The following MITF variants were observed in gnomAD, a reference collection of about 807,000 sequenced individuals.
MITF encodes the protein microphthalmia-associated transcription factor.
MITF carries 17 observed loss-of-function variants against 60.5 expected under a neutral mutation model. The ratio of observed to expected loss-of-function variants is 0.28; its 90% CI spans 0.19 to 0.42. The LOEUF (loss-of-function observed/expected upper bound fraction) is 0.42, where lower values mean the gene tolerates loss of function less well. Among genes scored for constraint, MITF ranks in the 10% least tolerant of loss-of-function variants. MITF has a pLI of 1.00. For missense variants in MITF, 622 were observed against 683.5 expected (o/e 0.91, Z 1.00); for synonymous variants, 260 against 248.5 (o/e 1.05, Z -0.43).
rs1484124430 is a variant in MITF, at chr3:69,965,215, T to C, written c.1548T>C (p.Ser516=). 8 of 1,613,824 alleles carry C rather than the reference T, an allele frequency of 5.0e-6. No individual in the cohort carries two copies. Residue 516 remains serine (S), a synonymous_variant, in exon 10 of 10, where the codon AGT becomes AGC. Transcript: ENST00000352241. ...CCAAAACAAGCAGCCGGAGGAGCAG[T>C]ATGAGCATGGAAGAGACGGAGCACA... ...GASKTSSRRS[S]MSMEETEHTC
intron 1 of MITF, among the ~76,000 whole-genome samples, chr3:69,789,382 A>G (rs1185744039): frequency 3.3e-5 from 5 of 152,224 alleles, no homozygotes; most frequent in African/African-American, 1.2e-4. Flanking sequence ...CAAGCACGTG[A>G]AAAAGTGCTC....
At chr3:69,857,314 C>T (rs1026844085) in intron 1 of MITF, among the ~76,000 whole-genome samples, 12 of 152,028 alleles carry the variant, frequency 7.9e-5, no homozygotes, top group Non-Finnish European at 1.5e-4. Flanking sequence ...GCACATTAAC[C>T]TCTTGATTTT....
rs559337667 is a variant in MITF, at chr3:69,790,550, A to C, written c.104+50849A>C. ...ACATTTATCACCTGGCACTAATTTT[A>C]CTACTTCATTGAGTATTTCAACATC... On this transcript the variant is annotated intron_variant, in intron 1 of 9. Transcript: ENST00000352241. Among the ~76,000 whole-genome samples, 13 of 152,330 alleles carry C rather than the reference A, an allele frequency of 8.5e-5. No individual in the cohort carries two copies. In the South Asian group the frequency reaches 2.1e-3, roughly 24 times the overall value.
chr3:69,875,758 T>C (rs1414571523), intron 1 of MITF, among the ~76,000 whole-genome samples: 1 of 152,246 alleles, frequency 6.6e-6, no homozygotes, highest in Non-Finnish European at 1.5e-5. Context: ...GCAGATATCC[T>C]TGTTTTTGTC....
rs2063479004 is a variant in MITF at position 69,833,140 on chromosome 3, G to T, written c.105-45994G>T. 2.6e-5 allele frequency among the ~76,000 whole-genome samples: 4 copies of T among 151,090 alleles called. No individual in the cohort carries two copies. The South Asian group carries it at 8.5e-4, about 32-fold the overall frequency. On this transcript the variant is annotated intron_variant, in intron 1 of 9. Coordinates refer to ENST00000352241, the MANE Select transcript of MITF (RefSeq NM_001354604.2). ...TTCCCTGTTTACACTGTATGTGGTT[G>T]CTTTCCTGTTCACATTGTATGTGGT...
chr3:69,762,393 T>C (rs981138153), intron 1 of MITF, among the ~76,000 whole-genome samples: 1 of 152,188 alleles, frequency 6.6e-6, no homozygotes, highest in African/African-American at 2.4e-5. Context: ...CCAAGAAAAG[T>C]GTAAACATCC....
At chr3:69,853,351 T>C (rs541008571) in intron 1 of MITF, among the ~76,000 whole-genome samples, 1 of 152,178 alleles carries the variant, frequency 6.6e-6, no homozygotes. Flanking sequence ...TTCACTATTA[T>C]CCTTCTTAAT....
At chr3:69,869,346 C>G (rs2064178306) in intron 1 of MITF, among the ~76,000 whole-genome samples, 1 of 152,144 alleles carries the variant, frequency 6.6e-6, no homozygotes, top group Non-Finnish European at 1.5e-5. Context: ...TTCAGGATGG[C>G]TTCTGAAGCT....
intron 1 of MITF, among the ~76,000 whole-genome samples, chr3:69,827,148 G>A (rs1384799930): frequency 6.6e-6 from 1 of 152,140 alleles, no homozygotes; most frequent in East Asian, 1.9e-4. Context: ...ATCTGAGGGG[G>A]ACAGGATCAT....
intron 1 of MITF, among the ~76,000 whole-genome samples, chr3:69,744,719 G>A (rs1281222397): frequency 1.3e-5 from 2 of 152,224 alleles, no homozygotes; most frequent in Non-Finnish European, 2.9e-5. Context: ...TCTAAGGCAA[G>A]TGTTGTTACG....
chr3:69,960,448 C>T (rs2066512002), intron 9 of MITF, among the ~76,000 whole-genome samples: 1 of 152,160 alleles, frequency 6.6e-6, no homozygotes, highest in Non-Finnish European at 1.5e-5. Context: ...CCTGGAACTT[C>T]TCTCAGGGGC....
At chr3:69,875,688 A>G (rs1335032911) in intron 1 of MITF, among the ~76,000 whole-genome samples, 2 of 152,276 alleles carry the variant, frequency 1.3e-5, no homozygotes, top group East Asian at 1.9e-4. Context: ...ATGTTCTCAC[A>G]TAAACCTCAA....
At chr3:69,756,201 G>A (rs1704142756) in intron 1 of MITF, among the ~76,000 whole-genome samples, 2 of 151,982 alleles carry the variant, frequency 1.3e-5, no homozygotes, top group Admixed American at 1.3e-4. Context: ...GTGCCATGGT[G>A]GTTTGCTGCA....
intron 1 of MITF, among the ~76,000 whole-genome samples, chr3:69,820,311 CTT>C (rs1405466828): frequency 6.6e-6 from 1 of 152,094 alleles, no homozygotes; most frequent in Non-Finnish European, 1.5e-5. Context: ...TTGAGAGAAA[CTT>C]TACCAGGGAT....
intron 2 of MITF, among the ~76,000 whole-genome samples, chr3:69,915,500 T>C (rs2065314508): frequency 6.6e-6 from 1 of 151,486 alleles, no homozygotes; most frequent in Admixed American, 6.6e-5. Flanking sequence ...TACAAATATT[T>C]ATATATATTT....
chr3:69,933,116 C>G (rs1233436874), intron 2 of MITF, among the ~76,000 whole-genome samples: 1 of 151,966 alleles, frequency 6.6e-6, no homozygotes, highest in African/African-American at 2.4e-5. Flanking sequence ...GAGTTCAAGG[C>G]TGTAGTGTGC....
chr3:69,827,745 C>A (rs1186315958), intron 1 of MITF, among the ~76,000 whole-genome samples: 1 of 150,892 alleles, frequency 6.6e-6, no homozygotes, highest in Non-Finnish European at 1.5e-5. Context: ...TTTTTTTTGA[C>A]CTTCACATCA....
chr3:69,739,763 C>T (rs1703455677), intron 1 of MITF, 62 bp downstream of exon 1: 8 of 1,265,930 alleles, frequency 6.3e-6, no homozygotes, highest in African/African-American at 3.0e-5. Flanking sequence ...GTCTGCCACT[C>T]TGGGGCGAGG....
At chr3:69,819,560 C>T (rs1471504187) in intron 1 of MITF, among the ~76,000 whole-genome samples, 1 of 152,114 alleles carries the variant, frequency 6.6e-6, no homozygotes, top group Non-Finnish European at 1.5e-5. Flanking sequence ...ATCTTCTTCT[C>T]CTGGTAATAG....
Sources: allele counts gnomAD v4.1 joint callset (sites outside exome capture counted in the v4.1 genomes callset), GRCh38; gene constraint gnomAD v4.1.1; transcripts MANE v1.5; gene names NCBI Gene and HGNC (gene_info 2026-07-23, HGNC 2026-07-21).